The following ELAVL4 variants were observed in gnomAD, a reference collection of about 807,000 sequenced individuals.
ELAVL4 encodes ELAV like RNA binding protein 4.
A neutral mutation model predicts 35.6 loss-of-function variants in ELAVL4; 1 was observed. That is an observed-to-expected ratio of 0.03 (90% CI 0.01 to 0.13). The LOEUF (loss-of-function observed/expected upper bound fraction) is 0.13, where lower values mean the gene tolerates loss of function less well. Among genes scored for constraint, ELAVL4 ranks in the 10% least tolerant of loss-of-function variants. The probability of loss-of-function intolerance (pLI) is 1.00; values close to 1 mark genes in which losing one functional copy is unlikely to be tolerated. For synonymous variants in ELAVL4, 156 were observed against 171.0 expected, an observed-to-expected ratio of 0.91 and a Z score of 0.69; for missense variants, 267 against 464.9, an observed-to-expected ratio of 0.57 and a Z score of 3.91.
rs74414799 is a variant in ELAVL4 at position 50,081,023 on chromosome 1, A to G, written c.18+32841A>G. ...GTTCTTGGCTTTAAGAAGAACCAGA[A>G]TCTTTTGATTCAAGGATTAGAAGAG... is the stretch of plus-strand genomic sequence containing the variant. On this transcript the variant is annotated intron_variant, in intron 1 of 6. Coordinates refer to the ELAVL4 transcript ENST00000448907. Among the ~76,000 whole-genome samples, 1,664 of 152,290 alleles carry G rather than the reference A, an allele frequency of 0.011. 57 individuals are homozygous for G. The East Asian group carries it at 0.13, about 12-fold the overall frequency.
chr1:50,108,564 C>T (rs1406147432), upstream of ELAVL4, among the ~76,000 whole-genome samples: 1 of 152,036 alleles, frequency 6.6e-6, no homozygotes, highest in Non-Finnish European at 1.5e-5. Context: ...AGAGGTGGCA[C>T]GGTTCGGCCC....
At chr1:50,124,162 C>T (rs1669500711) in intron 1 of ELAVL4, among the ~76,000 whole-genome samples, 1 of 152,040 alleles carries the variant, frequency 6.6e-6, no homozygotes, top group South Asian at 2.1e-4. Context: ...TGCTCACCAA[C>T]CCCAGTTCTG....
rs1442130534 is a variant in ELAVL4 at position 50,201,353 on chromosome 1, T to A, written c.*175T>A. The A allele has an allele frequency of 1.6e-6, 1 of 635,178 alleles. No individual in the cohort carries two copies. 39.3% of individuals were successfully genotyped at this position (635,178 alleles called of 1,614,324 possible). A position where few individuals can be genotyped will look rare whatever the true frequency, so the allele number is the denominator to read the frequency against. Reference sequence around the variant, plus strand: ...ATTAAAACATTGGATTATCCTGAGGTGTACCAGGAAAGGATTTTATAATGC... The same window carrying A: ...ATTAAAACATTGGATTATCCTGAGGAGTACCAGGAAAGGATTTTATAATGC... On this transcript the variant is annotated 3_prime_UTR_variant, in exon 7 of 7. Transcript: ENST00000371824. This position sits in a 1 kb window ranked among gnomAD's most constrained non-coding sequence, Gnocchi z 4.3.
At chr1:50,092,534 A>G (rs1421083343) in intron 1 of ELAVL4, among the ~76,000 whole-genome samples, 2 of 152,200 alleles carry the variant, frequency 1.3e-5, no homozygotes, top group African/African-American at 4.8e-5. Context: ...CGACATCTCA[A>G]TTCTCTGACT....
intron 2 of ELAVL4, among the ~76,000 whole-genome samples, chr1:50,153,508 GA>G (rs796433466): frequency 4.1e-4 from 62 of 152,304 alleles, no homozygotes; most frequent in African/African-American, 1.4e-3. Flanking sequence ...TGTCTGTGCT[GA>G]ATGAAGACAA....
intron 2 of ELAVL4, among the ~76,000 whole-genome samples, chr1:50,168,395 T>A (rs918393231): frequency 2.0e-5 from 3 of 152,170 alleles, no homozygotes; most frequent in Non-Finnish European, 4.4e-5. Context: ...TGCATGCATC[T>A]TTAGTTGCGG....
At chr1:50,119,036 A>AAAAGAAAAG (rs1668506094) in intron 1 of ELAVL4, among the ~76,000 whole-genome samples, 1 of 127,174 alleles carries the variant, frequency 7.9e-6, no homozygotes, top group Non-Finnish European at 1.6e-5. Flanking sequence ...GAAAGAAAGA[A>AAAAGAAAAG]AAAGAAAGAA....
intron 1 of ELAVL4, among the ~76,000 whole-genome samples, chr1:50,048,717 C>T (rs4537610): frequency 0.51 from 78,126 of 152,044 alleles, 21,385 homozygotes; most frequent in Non-Finnish European, 0.61. Context: ...GCAGCACCCT[C>T]CCCTATCTTT....
At chr1:50,079,084 AATTTGTAATTATTTATTATT>A (rs1418480969) in intron 1 of ELAVL4, among the ~76,000 whole-genome samples, 1 of 151,966 alleles carries the variant, frequency 6.6e-6, no homozygotes, top group Non-Finnish European at 1.5e-5. Context: ...TGCAACTTTT[AATTTGTAATTATTTATTATT>A]ATTTTTTAGA....
chr1:50,134,210 A>G (rs757897556), intron 1 of ELAVL4, among the ~76,000 whole-genome samples: 74 of 152,208 alleles, frequency 4.9e-4, no homozygotes, highest in Non-Finnish European at 9.1e-4. Flanking sequence ...GTAAACCTCA[A>G]GAGTTTGCTG....
intron 2 of ELAVL4, among the ~76,000 whole-genome samples, chr1:50,154,752 TTGTGTGTGTG>T (rs35896145): frequency 6.1e-5 from 9 of 147,228 alleles, no homozygotes; most frequent in Non-Finnish European, 1.4e-4. Context: ...TTGTTATATT[TTGTGTGTGTG>T]TGTGTGTGTG....
At chr1:50,125,952 G>T (rs1158945949) in intron 1 of ELAVL4, among the ~76,000 whole-genome samples, 1 of 152,032 alleles carries the variant, frequency 6.6e-6, no homozygotes, top group African/African-American at 2.4e-5. Context: ...GTAAAATTGG[G>T]CTAATAATAC....
At chr1:50,068,807 T>A (rs758390890) in intron 1 of ELAVL4, among the ~76,000 whole-genome samples, 1 of 152,216 alleles carries the variant, frequency 6.6e-6, no homozygotes, top group African/African-American at 2.4e-5. Context: ...CCAAAAAGAA[T>A]GATCTATTCT....
At chr1:50,171,822 T>A (rs1044210114) in intron 2 of ELAVL4, among the ~76,000 whole-genome samples, 11 of 152,218 alleles carry the variant, frequency 7.2e-5, no homozygotes, top group African/African-American at 2.4e-4. Flanking sequence ...CCTCTCAGAA[T>A]GGGCAGTGAA....
chr1:50,177,924 G>A (rs542520588), intron 3 of ELAVL4, among the ~76,000 whole-genome samples: 152 of 152,328 alleles, frequency 1.0e-3, no homozygotes, highest in African/African-American at 3.6e-3. Flanking sequence ...GTAACCCAGA[G>A]CCTGCTCCTC....
chr1:50,189,280 G>A (rs1462569388), intron 3 of ELAVL4, among the ~76,000 whole-genome samples: 1 of 152,204 alleles, frequency 6.6e-6, no homozygotes, highest in Non-Finnish European at 1.5e-5. Flanking sequence ...TTCCCACCCT[G>A]CCCAGGCCAA....
chr1:50,071,454 A>G (rs2148487387), intron 1 of ELAVL4, among the ~76,000 whole-genome samples: 1 of 152,338 alleles, frequency 6.6e-6, no homozygotes, highest in South Asian at 2.1e-4. Context: ...AAATGTAGCC[A>G]ATAAAACTTA....
At chr1:50,145,308 G>A (rs1035186225) in intron 2 of ELAVL4, 111 bp downstream of exon 2, 4 of 1,481,528 alleles carry the variant, frequency 2.7e-6, no homozygotes, top group African/African-American at 2.8e-5. Context: ...CTGCATGCAA[G>A]ATGGCATGGA....
intron 1 of ELAVL4, among the ~76,000 whole-genome samples, chr1:50,132,175 T>C (rs931786599): frequency 2.0e-5 from 3 of 152,122 alleles, no homozygotes; most frequent in South Asian, 2.1e-4. Flanking sequence ...GATGTTCAAA[T>C]GCAAGAAAGA....
Sources: allele counts gnomAD v4.1 joint callset (sites outside exome capture counted in the v4.1 genomes callset), GRCh38; gene constraint gnomAD v4.1.1; non-coding constraint Gnocchi (gnomAD v3.1); transcripts MANE v1.5; gene names NCBI Gene and HGNC (gene_info 2026-07-23, HGNC 2026-07-21).